Variants in GYS1 observed in about 807,000 individuals in gnomAD.
GYS1 encodes the protein glycogen synthase 1, also known as glycogen [starch] synthase, muscle.
GYS1 carries 60 observed loss-of-function variants against 89.1 expected under a neutral mutation model. The observed-to-expected ratio is 0.67, with a 90% CI of 0.55 to 0.84. The LOEUF (loss-of-function observed/expected upper bound fraction) is 0.84. GYS1 is among the 40% of genes least tolerant of loss of function. The probability of loss-of-function intolerance (pLI) is 0.00; values close to 1 mark genes in which losing one functional copy is unlikely to be tolerated. For synonymous variants in GYS1, 366 were observed against 401.7 expected (o/e 0.91, Z 1.06); for missense variants, 888 against 1,003.1 (o/e 0.89, Z 1.55).
chr19:48,977,777 T>C (rs1000832962), intron 10 of GYS1, 147 bp downstream of exon 10: 7 of 711,340 alleles, frequency 9.8e-6, no homozygotes, highest in Admixed American at 2.0e-5. Flanking sequence ...CACGTGCCCT[T>C]CTGTGGACCT....
chr19:48,992,980 G>A lies in GYS1; in HGVS notation c.118+15C>T. The A allele has an allele frequency of 6.8e-7, 1 of 1,464,790 alleles. No homozygotes were observed. Among genetic ancestry groups the A allele is most frequent in the Non-Finnish European group, 9.6e-7 (1 of 1,043,972 alleles). 90.7% of individuals were successfully genotyped at this position (1,464,790 alleles called of 1,614,324 possible). ...TGTCCTTCTCGTCAAGGGCCCCGACGCCTGGCGTGCTCACCCTTGTTAGCC... is the reference window on the plus strand; with the variant it reads ...TGTCCTTCTCGTCAAGGGCCCCGACACCTGGCGTGCTCACCCTTGTTAGCC... On this transcript the variant is annotated intron_variant, in intron 1 of 15. Coordinates refer to ENST00000323798, the MANE Select transcript of GYS1 (RefSeq NM_002103.5).
At chr19:48,977,869 T>C in intron 10 of GYS1, 55 bp downstream of exon 10, 3 of 1,372,546 alleles carry the variant, frequency 2.2e-6, no homozygotes, top group Non-Finnish European at 3.1e-6. Flanking sequence ...CCTGGCAAGC[T>C]GCCTCTGGGG....
At chr19:48,978,530 T>TTTATTTATTATTATTA (rs2038697417) in intron 8 of GYS1, among the ~76,000 whole-genome samples, 1 of 146,650 alleles carries the variant, frequency 6.8e-6, no homozygotes. Context: ...CAGCAGTTTA[T>TTTATTTATTATTATTA]TTATTATTAT....
chr19:48,970,214 T>A lies in GYS1; in HGVS notation c.1809+332A>T, dbSNP rs1403076247. On this transcript the variant is annotated intron_variant, in intron 14 of 15. Coordinates refer to ENST00000323798, the MANE Select transcript of GYS1 (RefSeq NM_002103.5). ...AACAAGGCTCACTGCAGCCTCAACC[T>A]CCGGGGCTCAAGCGACCCTACCACC... 3.6e-5 allele frequency: 16 copies of A among 443,194 alleles called. No individual in the cohort carries two copies. In the East Asian group the frequency reaches 5.7e-4, roughly 16 times the overall value. 27.5% of individuals were successfully genotyped at this position (443,194 alleles called of 1,614,324 possible).
At chr19:48,975,293 C>T (rs1285270540) in intron 10 of GYS1, among the ~76,000 whole-genome samples, 61 of 148,574 alleles carry the variant, frequency 4.1e-4, no homozygotes, top group Non-Finnish European at 1.5e-5. Context: ...AAGTTGGTCT[C>T]GAACTCATGG....
chr19:48,972,388 G>C (rs963354265), intron 12 of GYS1, among the ~76,000 whole-genome samples: 2 of 151,342 alleles, frequency 1.3e-5, no homozygotes, highest in African/African-American at 4.9e-5. Context: ...TGTCCAGGCT[G>C]GTCTTGAACT....
At position 48,993,162 on chromosome 19, in the gene GYS1, A is replaced by T; in HGVS notation, c.-50T>A. 1 of 1,036,756 alleles carries T rather than the reference A, an allele frequency of 9.6e-7. No homozygotes were observed. 64.2% of individuals were successfully genotyped at this position (1,036,756 alleles called of 1,614,324 possible). ...GGGGATCTCCAGGTAGGGACCCCGGAGGTGTCTAGGGAATGCACCAGGTAG... is the reference window on the plus strand; with the variant it reads ...GGGGATCTCCAGGTAGGGACCCCGGTGGTGTCTAGGGAATGCACCAGGTAG... On this transcript the variant is annotated 5_prime_UTR_variant, in exon 1 of 16. Coordinates refer to ENST00000323798, the MANE Select transcript of GYS1 (RefSeq NM_002103.5).
chr19:48,976,297 C>A (rs2038649495), intron 10 of GYS1, among the ~76,000 whole-genome samples: 1 of 152,088 alleles, frequency 6.6e-6, no homozygotes, highest in African/African-American at 2.4e-5. Flanking sequence ...CCAATGTAGA[C>A]CACAAGTACT....
At chr19:48,986,448 G>A (rs564589207) in intron 3 of GYS1, among the ~76,000 whole-genome samples, 5 of 151,476 alleles carry the variant, frequency 3.3e-5, no homozygotes, top group African/African-American at 1.2e-4. Flanking sequence ...GGAGCAGCCA[G>A]TTCCTCAATT....
At chr19:48,978,562 T>TA (rs2038698109) in intron 8 of GYS1, among the ~76,000 whole-genome samples, 1 of 136,882 alleles carries the variant, frequency 7.3e-6, no homozygotes, top group South Asian at 2.4e-4. Context: ...TTGACAGAGT[T>TA]ACTCTGTCGT....
At chr19:48,990,101 C>T (rs1478842355) in intron 2 of GYS1, among the ~76,000 whole-genome samples, 6 of 151,442 alleles carry the variant, frequency 4.0e-5, no homozygotes, top group African/African-American at 1.2e-4. Flanking sequence ...ACAGTCGGAC[C>T]TGAATGGATT....
Position 48,987,261 on chromosome 19 carries a change from G to A in GYS1, c.425C>T (p.Pro142Leu), listed in dbSNP as rs1045006240. 1.2e-5 allele frequency: 19 copies of A among 1,613,136 alleles called. No homozygotes were observed. The highest frequency in any genetic ancestry group is 2.2e-5 in the South Asian group (2 of 90,828). ...GTCGTTGGCCTCGCGGTCGTACCACGGCACTCCGATGTTGCAGGTATCCCA... is the reference window on the plus strand; with the variant it reads ...GTCGTTGGCCTCGCGGTCGTACCACAGCACTCCGATGTTGCAGGTATCCCA... ...ELWDTCNIGVPWYDREANDAV... is the reference protein window; with the variant it reads ...ELWDTCNIGVLWYDREANDAV... The change falls in exon 3 of 16, where the codon CCG becomes CTG. Residue 142 changes from proline (P) to leucine (L), a missense_variant. Transcript: ENST00000323798.
chr19:48,973,103 T>A (rs115985781), intron 12 of GYS1, among the ~76,000 whole-genome samples: 1,593 of 152,220 alleles, frequency 0.01, 33 homozygotes, highest in African/African-American at 0.035. Context: ...ACGGGGGTGG[T>A]TCCCCCGCCG....
chr19:48,985,621 C>T lies in GYS1; in HGVS notation c.679-16G>A, dbSNP rs1428037500. 6 of 1,613,694 alleles carry T rather than the reference C, an allele frequency of 3.7e-6. No individual in the cohort carries two copies. Among genetic ancestry groups the T allele is most frequent in the Non-Finnish European group, 5.1e-6 (6 of 1,179,862 alleles). ...CCACGTTGAACTGGGTGGGAGGGGA[C>T]AGCAGTCCGGTTAGAAGGATTGGGG... On this transcript the variant is annotated splice_polypyrimidine_tract_variant and intron_variant, in intron 4 of 15. Coordinates refer to ENST00000323798, the MANE Select transcript of GYS1 (RefSeq NM_002103.5).
At chr19:48,974,566 A>C in intron 11 of GYS1, 54 bp downstream of exon 11, 1 of 1,233,562 alleles carries the variant, frequency 8.1e-7, no homozygotes, top group East Asian at 2.3e-5. Context: ...GAGGCCCAGG[A>C]CCCAACCCCT....
chr19:48,987,393 G>T lies in GYS1; in HGVS notation c.301-8C>A. 1.9e-6 allele frequency: 3 copies of T among 1,584,722 alleles called. No individual in the cohort carries two copies. Among genetic ancestry groups the T allele is most frequent in the Non-Finnish European group, 2.6e-6 (3 of 1,164,080 alleles). ...CCAGCGCCCGAAATACACCTGGGATGGGGTTGGGGAGGCACCATAGGGAGG... is the reference window on the plus strand; with the variant it reads ...CCAGCGCCCGAAATACACCTGGGATTGGGTTGGGGAGGCACCATAGGGAGG... On this transcript the variant is annotated splice_polypyrimidine_tract_variant and splice_region_variant and intron_variant, in intron 2 of 15. Transcript: ENST00000323798.
chr19:48,986,307 G>C (rs2038842906), intron 3 of GYS1, among the ~76,000 whole-genome samples: 1 of 152,040 alleles, frequency 6.6e-6, no homozygotes, highest in Admixed American at 6.6e-5. Flanking sequence ...AGTCCTGGCA[G>C]GGTTAGATTG....
rs2122477462 is a variant in GYS1, at chr19:48,974,722, G to A, written c.1320C>T (p.Phe440=). ...GCATATTGTGGGTGCACACAGGGGGGAAAGACTGCCGCTGCAGGAGCCACA... is the reference window on the plus strand; with the variant it reads ...GCATATTGTGGGTGCACACAGGGGGAAAAGACTGCCGCTGCAGGAGCCACA... The part of the protein sequence containing the change: ...RAIFATQRQS[F]PPVCTHNMLD... The change falls in exon 11 of 16, where the codon TTC becomes TTT. Residue 440 remains phenylalanine (F), a synonymous_variant. Transcript: ENST00000323798. 6.2e-7 allele frequency: 1 copy of A among 1,611,292 alleles called. No individual in the cohort carries two copies. The highest frequency in any genetic ancestry group is 2.2e-5 in the East Asian group (1 of 44,860).
intron 3 of GYS1, 105 bp from the exon 4 acceptor site, chr19:48,986,140 T>C (rs558614764): frequency 9.6e-5 from 96 of 1,003,888 alleles, no homozygotes; most frequent in Non-Finnish European, 1.4e-4. Flanking sequence ...CTGTCACCAC[T>C]ACTGCACAGA....
Sources: allele counts gnomAD v4.1 joint callset (sites outside exome capture counted in the v4.1 genomes callset), GRCh38; gene constraint gnomAD v4.1.1; transcripts MANE v1.5; gene names NCBI Gene and HGNC (gene_info 2026-07-23, HGNC 2026-07-21).